Variants in TLR1 observed in about 807,000 individuals in gnomAD.
The protein encoded by TLR1 is toll-like receptor 1.
Under a neutral mutation model 20.2 loss-of-function variants are expected in TLR1, and 19 were observed. The ratio of observed to expected loss-of-function variants is 0.94; its 90% confidence interval spans 0.66 to 1.38. The LOEUF (loss-of-function observed/expected upper bound fraction) is 1.38, where lower values mean the gene tolerates loss of function less well. TLR1 is among the 40% of genes most tolerant of loss of function. The pLI is 0.00. For missense variants in TLR1, 921 were observed against 910.0 expected, an observed-to-expected ratio of 1.01 and a Z score of -0.16; for synonymous variants, 320 against 334.5, an observed-to-expected ratio of 0.96 and a Z score of 0.47.
downstream of TLR1, among the ~76,000 whole-genome samples, chr4:38,788,939 G>C (rs1725659235): frequency 6.6e-6 from 1 of 152,110 alleles, no homozygotes; most frequent in African/African-American, 2.4e-5. Flanking sequence ...TGAGGAGTTT[G>C]ATGTTACAGT....
At chr4:38,792,192 C>A (rs536922246), downstream of TLR1, among the ~76,000 whole-genome samples, 25 of 152,316 alleles carry the variant, frequency 1.6e-4, no homozygotes, top group South Asian at 5.2e-3. Context: ...AGGATTTAAT[C>A]CCAGCATGCC....
chr4:38,794,182 GT>G (rs1172523872), downstream of TLR1, among the ~76,000 whole-genome samples: 3 of 152,186 alleles, frequency 2.0e-5, no homozygotes, highest in African/African-American at 7.2e-5. Flanking sequence ...TTGCTGAGTA[GT>G]TGAAACTTGG....
chr4:38,792,540 T>C (rs1409951009), downstream of TLR1, among the ~76,000 whole-genome samples: 1 of 152,102 alleles, frequency 6.6e-6, no homozygotes. Flanking sequence ...CTCAGTCTCC[T>C]GAGTTGCTGG....
In TLR1 at chr4:38,797,583, C is replaced by T. The variant is rs1203484320; in HGVS notation, c.1249G>A (p.Gly417Arg). The T allele has an allele frequency of 6.2e-7, 1 of 1,613,670 alleles. No individual in the cohort carries two copies. Among genetic ancestry groups the T allele is most frequent in the Admixed American group, 1.7e-5 (1 of 59,970 alleles). Reference protein sequence around the residue: ...QNSVSYDEKKGDCSWTKSLLS... With the variant: ...QNSVSYDEKKRDCSWTKSLLS... Reference sequence around the variant, plus strand: ...AAACTTTTAGTCCAAGAACAGTCTCCTTTCTTTTCATCATAGCTTACAGAA... The same window carrying T: ...AAACTTTTAGTCCAAGAACAGTCTCTTTTCTTTTCATCATAGCTTACAGAA... The change falls in exon 4 of 4, where the codon GGA becomes AGA. Residue 417 changes from glycine (G) to arginine (R), a missense_variant. By Grantham distance (125) the Gly-to-Arg change is moderately radical. Transcript: ENST00000308979.
chr4:38,798,427 A>C lies in TLR1; in HGVS notation c.405T>G (p.Phe135Leu). ...AFDALPICKE[F>L]GNMSQLKFLG... is the part of the protein sequence containing the mutation. Reference sequence around the variant, plus strand: ...GAAATTTTAGTTGAGACATATTGCCAAACTCTTTGCATATAGGCAGGGCAT... The same window carrying C: ...GAAATTTTAGTTGAGACATATTGCCCAACTCTTTGCATATAGGCAGGGCAT... Residue 135 changes from phenylalanine (F) to leucine (L), a missense_variant, in exon 4 of 4, where the codon TTT becomes TTG. Transcript: ENST00000308979. 2.5e-6 allele frequency: 4 copies of C among 1,613,636 alleles called. No homozygotes were observed. Among genetic ancestry groups the C allele is most frequent in the Non-Finnish European group, 3.4e-6 (4 of 1,179,598 alleles).
At position 38,796,268 on chromosome 4, in the gene TLR1, C is replaced by G. The variant is rs914424746; in HGVS notation, c.*203G>C. The G allele has an allele frequency of 5.1e-6, 3 of 589,768 alleles. No individual in the cohort carries two copies. The African/African-American group carries it at 5.6e-5, about 11-fold the overall frequency. The allele number at this position is 589,768 out of a possible 1,614,324, so 36.5% of individuals were successfully genotyped here. A position where few individuals can be genotyped will look rare whatever the true frequency, so the allele number is the denominator to read the frequency against. On this transcript the variant is annotated 3_prime_UTR_variant, in exon 4 of 4. Coordinates refer to ENST00000308979, the MANE Select transcript of TLR1 (RefSeq NM_003263.4). ...CAAGTGGATCCCTTATGTGTCAGAACTGTTTAAATCAAAGTTATATCATTT... is the reference window on the plus strand; with the variant it reads ...CAAGTGGATCCCTTATGTGTCAGAAGTGTTTAAATCAAAGTTATATCATTT...
At position 38,798,483 on chromosome 4, in the gene TLR1, T is replaced by C; in HGVS notation, c.349A>G (p.Lys117Glu). 6.2e-7 allele frequency: 1 copy of C among 1,614,090 alleles called. No individual in the cohort carries two copies. The highest frequency in any genetic ancestry group is 1.1e-5 in the South Asian group (1 of 91,082). Residue 117 changes from lysine (K) to glutamate (E), a missense_variant, in exon 4 of 4, where the codon AAG (lysine) becomes GAG (glutamate). Physicochemically the swap from Lys to Glu is moderately conservative, Grantham distance 56. Transcript: ENST00000308979. ...GCATTAAATGACAGGTCCAAGTGCT[T>C]GAGGTTCACAGTAGGGTGGCAAGAA... Reference protein sequence around the residue: ...KISCHPTVNLKHLDLSFNAFD... With the variant: ...KISCHPTVNLEHLDLSFNAFD...
intron 2 of TLR1, 38 bp from the exon 3 acceptor site, chr4:38,800,986 T>C (rs879350795): frequency 2.6e-5 from 4 of 152,614 alleles, no homozygotes; most frequent in Admixed American, 2.6e-4. Context: ...AATGTTCATG[T>C]TAAAAGTCAA....
chr4:38,799,266 A>G (rs1321432145), intron 3 of TLR1, among the ~76,000 whole-genome samples: 2 of 152,242 alleles, frequency 1.3e-5, no homozygotes, highest in Admixed American at 6.5e-5. Flanking sequence ...CAAATTATCC[A>G]GGTGGTCCAT....
Position 38,797,359 on chromosome 4 carries a change from G to C in TLR1, c.1473C>G (p.Ser491Arg), listed in dbSNP as rs575708724. 36 of 1,614,016 alleles carry C rather than the reference G, an allele frequency of 2.2e-5. No individual in the cohort carries two copies. The South Asian group carries it at 3.3e-4, about 15-fold the overall frequency. ...TGTGATCAATGATCAATACAGAAAG[G>C]CTGCTAAAGCTGCCACATCCAGGAA... ...TDLPGCGSFS[S>R]LSVLIIDHNS... Residue 491 changes from serine to arginine, a missense_variant, in exon 4 of 4, where the codon AGC becomes AGG. Physicochemically the swap from Ser to Arg is moderately radical, Grantham distance 110 (BLOSUM62 -1). Transcript: ENST00000308979.
At position 38,796,927 on chromosome 4, in the gene TLR1, G is replaced by T; in HGVS notation, c.1905C>A (p.Leu635=). Residue 635 remains leucine (L), a synonymous_variant, in exon 4 of 4, where the codon CTC becomes CTA. Coordinates refer to ENST00000308979, the MANE Select transcript of TLR1 (RefSeq NM_003263.4). The part of the protein sequence containing the change: ...NIPLEELQRN[L]QFHAFISYSG... ...TATATGAAATAAATGCATGAAACTG[G>T]AGATTTCTTTGGAGTTCTTCTAAGG... 1 of 1,614,166 alleles carries T rather than the reference G, an allele frequency of 6.2e-7. No individual in the cohort carries two copies. Among genetic ancestry groups the T allele is most frequent in the Non-Finnish European group, 8.5e-7 (1 of 1,180,044 alleles).
At chr4:38,793,199 G>A (rs978103256), downstream of TLR1, among the ~76,000 whole-genome samples, 20 of 152,084 alleles carry the variant, frequency 1.3e-4, no homozygotes, top group Non-Finnish European at 2.4e-4. Flanking sequence ...CCTAGGGAAA[G>A]GGCTTCAACA....
At chr4:38,789,465 C>CT (rs1004949480), downstream of TLR1, among the ~76,000 whole-genome samples, 29 of 151,206 alleles carry the variant, frequency 1.9e-4, no homozygotes, top group Admixed American at 1.4e-3. Context: ...CAATGGTTTA[C>CT]TTTTTTTTTC....
At chr4:38,787,854 T>G (rs527278983), downstream of TLR1, among the ~76,000 whole-genome samples, 1 of 152,292 alleles carries the variant, frequency 6.6e-6, no homozygotes, top group South Asian at 2.1e-4. Flanking sequence ...CCAACAAACT[T>G]GAACTCTAAT....
downstream of TLR1, among the ~76,000 whole-genome samples, chr4:38,789,287 T>C (rs2109333764): frequency 6.6e-6 from 1 of 152,334 alleles, no homozygotes; most frequent in African/African-American, 2.4e-5. Flanking sequence ...ATTAGGACTT[T>C]AGTTATTGTT....
Position 38,798,011 on chromosome 4 carries a change from C to A in TLR1, c.821G>T (p.Trp274Leu), listed in dbSNP as rs747041336. 2.7e-5 allele frequency: 44 copies of A among 1,613,978 alleles called. No homozygotes were observed. The highest frequency in any genetic ancestry group is 6.7e-5 in the Admixed American group (4 of 59,990). ...ILQLVWHTTV[W>L]YFSISNVKLQ... ...CTTCACGTTTGAAATTGAGAAATAC[C>A]ATACAGTTGTATGCCAAACCAGCTG... Residue 274 changes from tryptophan (W) to leucine (L), a missense_variant, in exon 4 of 4, where the codon TGG becomes TTG. Physicochemically the swap from Trp to Leu is moderately conservative, Grantham distance 61 (BLOSUM62 -2). Transcript: ENST00000308979.
At chr4:38,793,459 C>T (rs1725846074), downstream of TLR1, among the ~76,000 whole-genome samples, 1 of 152,112 alleles carries the variant, frequency 6.6e-6, no homozygotes, top group African/African-American at 2.4e-5. Context: ...GTAATACTTC[C>T]TCTCATTTAT....
At position 38,798,722 on chromosome 4, in the gene TLR1, A is replaced by G. The variant is rs1472120025; in HGVS notation, c.110T>C (p.Ile37Thr). The change falls in exon 4 of 4, where the codon ATC becomes ACC. Residue 37 changes from isoleucine to threonine, a missense_variant. Coordinates refer to ENST00000308979, the MANE Select transcript of TLR1 (RefSeq NM_003263.4). ...CTGGGATAGGTCTTTAGGAACGTGG[A>G]TGAGACCGTTTTTTGACCTATCAAC... ...FLVDRSKNGLIHVPKDLSQKT... is the reference protein window; with the variant it reads ...FLVDRSKNGLTHVPKDLSQKT... 6.2e-7 allele frequency: 1 copy of G among 1,613,556 alleles called. No individual in the cohort carries two copies. Among genetic ancestry groups the G allele is most frequent in the Non-Finnish European group, 8.5e-7 (1 of 1,179,974 alleles).
At chr4:38,788,981 A>G (rs1053597535), downstream of TLR1, among the ~76,000 whole-genome samples, 9 of 152,202 alleles carry the variant, frequency 5.9e-5, no homozygotes, top group African/African-American at 2.2e-4. Context: ...ACTCCAGCAC[A>G]AGTGGCACAG....
Sources: gnomAD v4.1 joint callset for allele counts (sites outside exome capture counted in the v4.1 genomes callset) on GRCh38, gnomAD v4.1.1 for gene constraint, MANE v1.5 for transcripts, NCBI Gene and HGNC (gene_info 2026-07-23, HGNC 2026-07-21) for gene names.